Variants in FRMD4B observed in about 807,000 individuals in gnomAD.
FRMD4B encodes the protein FERM domain containing 4B.
FRMD4B carries 74 observed loss-of-function variants against 141.5 expected under a neutral mutation model. That is an observed-to-expected ratio of 0.52 (90% CI 0.43 to 0.63). FRMD4B has a LOEUF of 0.63. FRMD4B is among the 30% of genes least tolerant of loss of function. The probability of loss-of-function intolerance (pLI) is 0.00; values close to 1 mark genes in which losing one functional copy is unlikely to be tolerated. For missense variants in FRMD4B, 1,366 were observed against 1,253.4 expected, an observed-to-expected ratio of 1.09 and a Z score of -1.36; for synonymous variants, 506 against 467.9, an observed-to-expected ratio of 1.08 and a Z score of -1.05.
chr3:69,174,915 C>T (rs1006830993), intron 22 of FRMD4B, among the ~76,000 whole-genome samples: 2 of 152,130 alleles, frequency 1.3e-5, no homozygotes, highest in Non-Finnish European at 2.9e-5. Flanking sequence ...GTTCTTGCTC[C>T]TAACTCATTT....
chr3:69,267,023 T>C (rs925993454), intron 5 of FRMD4B, among the ~76,000 whole-genome samples: 8 of 152,200 alleles, frequency 5.3e-5, no homozygotes, highest in African/African-American at 1.9e-4. Flanking sequence ...ATTCTAAAAC[T>C]TTGGTGTATT....
chr3:69,188,769 A>C (rs2092800252), intron 18 of FRMD4B, among the ~76,000 whole-genome samples: 1 of 151,318 alleles, frequency 6.6e-6, no homozygotes, highest in Non-Finnish European at 1.5e-5. Flanking sequence ...GTCTCAAAAA[A>C]AAAAAAAAAA....
chr3:69,342,599 A>C (rs945660172), intron 1 of FRMD4B, among the ~76,000 whole-genome samples: 1 of 152,226 alleles, frequency 6.6e-6, no homozygotes, highest in African/African-American at 2.4e-5. Context: ...GCCACTTATT[A>C]GGTACTTCAG....
chr3:69,240,219 A>G (rs2093371683), intron 7 of FRMD4B, among the ~76,000 whole-genome samples: 2 of 152,120 alleles, frequency 1.3e-5, no homozygotes, highest in Non-Finnish European at 2.9e-5. Context: ...GCCAGGCATG[A>G]TGGCTCATGC....
chr3:69,325,648 G>T (rs1194610816), intron 1 of FRMD4B, among the ~76,000 whole-genome samples: 1 of 152,176 alleles, frequency 6.6e-6, no homozygotes, highest in Admixed American at 6.5e-5. Flanking sequence ...CCTATGAAAT[G>T]GAAAGGATAA....
intron 1 of FRMD4B, among the ~76,000 whole-genome samples, chr3:69,524,678 A>G (rs78334129): frequency 0.03 from 4,632 of 152,214 alleles, 243 homozygotes; most frequent in African/African-American, 0.11. Flanking sequence ...ACACCTCCTT[A>G]ATCTAGCTCA....
intron 1 of FRMD4B, among the ~76,000 whole-genome samples, chr3:69,506,728 G>T (rs544609190): frequency 9.2e-5 from 14 of 152,010 alleles, no homozygotes; most frequent in African/African-American, 3.4e-4. Context: ...GGGGTGGGTA[G>T]AGGTGGGGTC....
chr3:69,505,414 A>C (rs1193480618), intron 1 of FRMD4B, among the ~76,000 whole-genome samples: 2 of 152,058 alleles, frequency 1.3e-5, no homozygotes, highest in African/African-American at 2.4e-5. Flanking sequence ...AAACAAAAGG[A>C]AATAAACAGT....
intron 1 of FRMD4B, among the ~76,000 whole-genome samples, chr3:69,356,685 C>A (rs1052646743): frequency 2.0e-5 from 3 of 150,216 alleles, no homozygotes; most frequent in African/African-American, 4.9e-5. Context: ...CTTTAGAGAA[C>A]CCTTACTAAT....
intron 9 of FRMD4B, among the ~76,000 whole-genome samples, chr3:69,218,826 C>T (rs192924929): frequency 6.6e-6 from 1 of 152,252 alleles, no homozygotes; most frequent in African/African-American, 2.4e-5. Context: ...GAAATATATA[C>T]TTTAAAACTA....
At chr3:69,528,531 A>T (rs1700965790) in intron 1 of FRMD4B, among the ~76,000 whole-genome samples, 1 of 151,874 alleles carries the variant, frequency 6.6e-6, no homozygotes, top group African/African-American at 2.4e-5. Flanking sequence ...TGCTGGATTA[A>T]TTTTTTATAT....
intron 1 of FRMD4B, among the ~76,000 whole-genome samples, chr3:69,455,599 C>T (rs1049303614): frequency 2.0e-5 from 3 of 152,174 alleles, no homozygotes; most frequent in Non-Finnish European, 4.4e-5. Flanking sequence ...ACCCTGGATG[C>T]ACCATCTTTA....
chr3:69,362,489 C>T (rs1703497442), intron 1 of FRMD4B, among the ~76,000 whole-genome samples: 1 of 152,146 alleles, frequency 6.6e-6, no homozygotes, highest in African/African-American at 2.4e-5. Flanking sequence ...ACCAGCCTGA[C>T]CAACATGGTA....
intron 1 of FRMD4B, among the ~76,000 whole-genome samples, chr3:69,524,854 C>G (rs1700909440): frequency 6.6e-6 from 1 of 152,188 alleles, no homozygotes; most frequent in Non-Finnish European, 1.5e-5. Flanking sequence ...GCCACATGCC[C>G]AGACAAAACT....
chr3:69,406,279 G>A lies in FRMD4B; in HGVS notation c.-1+26355C>T, dbSNP rs557579643. 2.2e-4 allele frequency among the ~76,000 whole-genome samples: 33 copies of A among 152,298 alleles called. No individual in the cohort carries two copies. In the South Asian group the frequency reaches 3.3e-3, roughly 15 times the overall value. ...AGAGCACCACATTTAATGAACAATG[G>A]CTCTTGGAAAACCTCATGCTGGATC... is the stretch of plus-strand genomic sequence containing the variant. On this transcript the variant is annotated intron_variant, in intron 2 of 5. Transcript: ENST00000459638.
intron 1 of FRMD4B, among the ~76,000 whole-genome samples, chr3:69,444,945 T>C (rs1456897523): frequency 2.0e-5 from 3 of 152,200 alleles, no homozygotes; most frequent in African/African-American, 7.2e-5. Context: ...TTCTTAAATA[T>C]TTAATAATAC....
At chr3:69,516,716 A>G (rs1700765107) in intron 1 of FRMD4B, among the ~76,000 whole-genome samples, 1 of 152,340 alleles carries the variant, frequency 6.6e-6, no homozygotes, top group African/African-American at 2.4e-5. Context: ...GAGAGAAGTC[A>G]TTGGATCTTA....
At chr3:69,361,890 G>T (rs1240097326) in intron 1 of FRMD4B, among the ~76,000 whole-genome samples, 1 of 152,164 alleles carries the variant, frequency 6.6e-6, no homozygotes, top group African/African-American at 2.4e-5. Context: ...CATGAATAGA[G>T]CTAACAGATC....
chr3:69,274,995 C>T lies in FRMD4B; in HGVS notation c.501+12757G>A, dbSNP rs539291581. Among the ~76,000 whole-genome samples the T allele has an allele frequency of 1.2e-4, 19 of 152,268 alleles. No individual in the cohort carries two copies. The East Asian group carries it at 3.5e-3, about 28-fold the overall frequency. On this transcript the variant is annotated intron_variant, in intron 5 of 22. Coordinates refer to ENST00000398540, the MANE Select transcript of FRMD4B (RefSeq NM_015123.3). ...TCAAGGCCTTCCTATGCTCTTTCCC[C>T]AGGCTGCATACTGATTCTTAAAACA... is the stretch of plus-strand genomic sequence containing the variant.
Sources: gnomAD v4.1 joint callset for allele counts (sites outside exome capture counted in the v4.1 genomes callset) on GRCh38, gnomAD v4.1.1 for gene constraint, MANE v1.5 for transcripts, NCBI Gene and HGNC (gene_info 2026-07-23, HGNC 2026-07-21) for gene names.